Variants in MTUS1 observed in about 807,000 individuals in gnomAD.
MTUS1 encodes microtubule associated scaffold protein 1, also known as microtubule-associated tumor suppressor 1.
In MTUS1, 109 loss-of-function variants were observed where a neutral mutation model predicts 120.8. The ratio of observed to expected loss-of-function variants is 0.90; its 90% CI spans 0.77 to 1.06. The LOEUF (loss-of-function observed/expected upper bound fraction) is 1.06. Among genes scored for constraint, MTUS1 ranks in the 50% least tolerant of loss-of-function variants. MTUS1 has a pLI of 0.00. For missense variants in MTUS1, 2,210 were observed against 1,486.3 expected (o/e 1.49, Z -8.01); for synonymous variants, 737 against 550.5 (o/e 1.34, Z -4.74).
At chr8:17,715,730 C>T in intron 5 of MTUS1, 37 bp downstream of exon 5, 1 of 1,574,014 alleles carries the variant, frequency 6.4e-7, no homozygotes, top group Non-Finnish European at 8.6e-7. Flanking sequence ...CTTTAAGCGT[C>T]TTGCCCTCCC....
intron 1 of MTUS1, among the ~76,000 whole-genome samples, chr8:17,774,472 C>G (rs1014712479): frequency 1.3e-5 from 2 of 152,180 alleles, no homozygotes; most frequent in African/African-American, 4.8e-5. Flanking sequence ...GGAGGTGATG[C>G]CACCAGGCAT....
At chr8:17,646,605 T>A (rs1244931846) in intron 14 of MTUS1, among the ~76,000 whole-genome samples, 1 of 152,108 alleles carries the variant, frequency 6.6e-6, no homozygotes. Context: ...TATATAATAA[T>A]AACTGTACTT....
chr8:17,773,992 G>T (rs940154968), intron 1 of MTUS1, among the ~76,000 whole-genome samples: 2 of 152,120 alleles, frequency 1.3e-5, no homozygotes, highest in African/African-American at 4.8e-5. Context: ...CCACTGTGCA[G>T]CCCTCACATC....
At chr8:17,776,230 C>G (rs903409801) in intron 1 of MTUS1, among the ~76,000 whole-genome samples, 2 of 151,726 alleles carry the variant, frequency 1.3e-5, no homozygotes, top group Admixed American at 6.6e-5. Context: ...TAAAAGTAAC[C>G]TAGAGATGGT....
At chr8:17,706,747 A>G (rs538914475) in intron 6 of MTUS1, among the ~76,000 whole-genome samples, 2 of 152,344 alleles carry the variant, frequency 1.3e-5, no homozygotes, top group South Asian at 2.1e-4. Flanking sequence ...TCATAGAATC[A>G]TTTATGAATG....
chr8:17,667,138 G>C (rs1178899301), intron 8 of MTUS1, among the ~76,000 whole-genome samples: 1 of 152,340 alleles, frequency 6.6e-6, no homozygotes, highest in East Asian at 1.9e-4. Flanking sequence ...ATCTGCAGGT[G>C]AAAGAACATG....
At chr8:17,712,522 A>G (rs1035822389) in intron 6 of MTUS1, among the ~76,000 whole-genome samples, 2 of 152,154 alleles carry the variant, frequency 1.3e-5, no homozygotes, top group South Asian at 2.1e-4. Flanking sequence ...TATTTTTAGT[A>G]GAGATGGGGT....
chr8:17,779,471 T>C (rs2050706516), intron 1 of MTUS1, among the ~76,000 whole-genome samples: 1 of 152,232 alleles, frequency 6.6e-6, no homozygotes, highest in Admixed American at 6.5e-5. Flanking sequence ...TTCTGGTGTT[T>C]AAAAGATTTG....
intron 1 of MTUS1, among the ~76,000 whole-genome samples, chr8:17,783,079 A>AAAACAAAC (rs36064055): frequency 2.0e-5 from 3 of 151,994 alleles, no homozygotes; most frequent in South Asian, 2.1e-4. Flanking sequence ...ATTCTGTCTC[A>AAAACAAAC]AAACAAACAA....
intron 7 of MTUS1, among the ~76,000 whole-genome samples, chr8:17,677,685 C>G (rs1307503680): frequency 1.3e-5 from 2 of 152,162 alleles, no homozygotes; most frequent in African/African-American, 4.8e-5. Flanking sequence ...CTTAATGCCT[C>G]AGAAACTACT....
chr8:17,681,854 GAAA>G (rs3040092), intron 7 of MTUS1, among the ~76,000 whole-genome samples: 66,208 of 151,694 alleles, frequency 0.44, 15,033 homozygotes, highest in Middle Eastern at 0.51. Context: ...GAGAAAAGTT[GAAA>G]AAGATGAAGC....
chr8:17,767,582 C>T (rs1400039698), intron 1 of MTUS1, among the ~76,000 whole-genome samples: 5 of 151,120 alleles, frequency 3.3e-5, no homozygotes, highest in Non-Finnish European at 7.4e-5. Context: ...CCTATGGTCC[C>T]AGCTACTCTG....
chr8:17,754,156 G>A lies in MTUS1; in HGVS notation c.1652C>T (p.Thr551Ile). 1 of 1,613,594 alleles carries A rather than the reference G, an allele frequency of 6.2e-7. No individual in the cohort carries two copies. The highest frequency in any genetic ancestry group is 8.5e-7 in the Non-Finnish European group (1 of 1,179,926). The change falls in exon 2 of 15, where the codon ACA becomes ATA. Residue 551 changes from threonine (T) to isoleucine (I), a missense_variant. By Grantham distance (89) the Thr-to-Ile change is moderately conservative. Coordinates refer to ENST00000693296, the MANE Select transcript of MTUS1 (RefSeq NM_001363059.2). ...SPSSVNSRQQTVLSRTPRSDL... is the reference protein window; with the variant it reads ...SPSSVNSRQQIVLSRTPRSDL... Reference sequence around the variant, plus strand: ...AGATCTCGGTGTTCTGCTCAAGACTGTTTGTTGTCTTGAATTCACTGATGA... The same window carrying A: ...AGATCTCGGTGTTCTGCTCAAGACTATTTGTTGTCTTGAATTCACTGATGA...
chr8:17,670,337 C>T (rs564832715), intron 8 of MTUS1, among the ~76,000 whole-genome samples: 102 of 152,188 alleles, frequency 6.7e-4, no homozygotes, highest in Non-Finnish European at 1.1e-3. Flanking sequence ...TAGGTAGTAG[C>T]GGAAACCATG....
intron 1 of MTUS1, among the ~76,000 whole-genome samples, chr8:17,756,671 A>AACCC (rs2048636698): frequency 2.6e-5 from 3 of 117,472 alleles, no homozygotes; most frequent in African/African-American, 3.2e-5. Flanking sequence ...TCAAGCCCAA[A>AACCC]CCCCCACCCC....
Position 17,674,903 on chromosome 8 carries a change from A to G in MTUS1, c.2905+283T>C, listed in dbSNP as rs896153059. On this transcript the variant is annotated intron_variant, in intron 8 of 14. Transcript: ENST00000693296. The stretch of plus-strand genomic sequence containing the variant: ...AACATTATTTAACAGGAATTCACAC[A>G]ATTACAAAAATAACTCTGTCCCTCT... The G allele has an allele frequency of 8.1e-6, 10 of 1,228,486 alleles. No individual in the cohort carries two copies. In the Admixed American group the frequency reaches 1.6e-4, roughly 20 times the overall value. 76.1% of individuals were successfully genotyped at this position (1,228,486 alleles called of 1,614,324 possible). A position where few individuals can be genotyped will look rare whatever the true frequency, so the allele number is the denominator to read the frequency against.
intron 6 of MTUS1, among the ~76,000 whole-genome samples, chr8:17,709,815 G>A (rs892436076): frequency 3.3e-5 from 5 of 151,962 alleles, no homozygotes; most frequent in African/African-American, 1.2e-4. Flanking sequence ...GAGACCATCT[G>A]GCTAACACGG....
At chr8:17,697,328 G>A (rs756530068) in intron 6 of MTUS1, 39 of 1,614,012 alleles carry the variant, frequency 2.4e-5, no homozygotes, top group Middle Eastern at 1.6e-4. Context: ...TCCTTTGGCC[G>A]TCAGTCGTAT....
At chr8:17,682,382 G>C (rs1814730324) in intron 7 of MTUS1, among the ~76,000 whole-genome samples, 2 of 152,080 alleles carry the variant, frequency 1.3e-5, no homozygotes, top group South Asian at 2.1e-4. Context: ...GTCGGGCATG[G>C]TGGCGGGTGC....
Sources: allele counts gnomAD v4.1 joint callset (sites outside exome capture counted in the v4.1 genomes callset), GRCh38; gene constraint gnomAD v4.1.1; transcripts MANE v1.5; gene names NCBI Gene and HGNC (gene_info 2026-07-23, HGNC 2026-07-21).